The following TENM3 variants were observed in gnomAD, a reference collection of about 807,000 sequenced individuals.
TENM3 encodes the protein teneurin-3.
In TENM3, 63 loss-of-function variants were observed where a neutral mutation model predicts 255.1. The observed-to-expected ratio is 0.25, with a 90% CI of 0.20 to 0.30. The LOEUF is 0.30. TENM3 is among the 10% of genes least tolerant of loss of function. TENM3 has a pLI of 1.00. For missense variants in TENM3, 2,929 were observed against 3,461.1 expected (o/e 0.85, Z 3.86); for synonymous variants, 1,306 against 1,322.3 (o/e 0.99, Z 0.27).
the TENM3 span, among the ~76,000 whole-genome samples, chr4:181,672,022 A>G: frequency 1.4e-4 from 21 of 152,222 alleles, no homozygotes; most frequent in Admixed American, 1.3e-4. Context: ...TCCAAAATAT[A>G]TACTTTGGAT....
chr4:181,697,879 G>A, the TENM3 span, among the ~76,000 whole-genome samples: 2 of 152,154 alleles, frequency 1.3e-5, no homozygotes, highest in South Asian at 4.2e-4. Flanking sequence ...TATGGTTTTT[G>A]CTCCTAATAT....
chr4:182,361,855 C>G (rs1420157085), intron 3 of TENM3, among the ~76,000 whole-genome samples: 4 of 152,070 alleles, frequency 2.6e-5, no homozygotes, highest in Non-Finnish European at 5.9e-5. Context: ...GTTTTATCTA[C>G]TTTTGGTCTT....
chr4:182,548,036 A>G (rs576648472), intron 3 of TENM3, among the ~76,000 whole-genome samples: 1 of 152,098 alleles, frequency 6.6e-6, no homozygotes, highest in Admixed American at 6.5e-5. Context: ...TGGACAACAA[A>G]GTGAGACCCC....
intron 5 of TENM3, among the ~76,000 whole-genome samples, chr4:182,638,494 C>A (rs975969940): frequency 1.3e-5 from 2 of 152,092 alleles, no homozygotes; most frequent in African/African-American, 2.4e-5. Context: ...TGAGGCCCCC[C>A]CATTGTGCAT....
intron 3 of TENM3, among the ~76,000 whole-genome samples, chr4:182,357,649 T>C (rs1765652583): frequency 6.6e-6 from 1 of 151,098 alleles, no homozygotes; most frequent in Non-Finnish European, 1.5e-5. Context: ...TGCGAAACTT[T>C]TCTCCCATTT....
At chr4:181,764,144 G>A in the TENM3 span, among the ~76,000 whole-genome samples, 1 of 152,064 alleles carries the variant, frequency 6.6e-6, no homozygotes, top group African/African-American at 2.4e-5. Flanking sequence ...TTCAAATTAA[G>A]ATTTCATTTG....
chr4:182,755,395 G>C lies in TENM3; in HGVS notation c.4892+136G>C, dbSNP rs992171555. ...AGAGCTTCTGTAATTTTTGGATCCC[G>C]GCTGGGCACGGTGGCTCATTCCCGT... On this transcript the variant is annotated intron_variant, in intron 22 of 27. Transcript: ENST00000511685. 8.2e-6 allele frequency: 7 copies of C among 858,192 alleles called. No individual in the cohort carries two copies. The East Asian group carries it at 1.9e-4, about 23-fold the overall frequency. The allele number at this position is 858,192 out of a possible 1,614,324, so 53.2% of individuals were successfully genotyped here.
chr4:182,516,558 C>T (rs143653311), intron 3 of TENM3, among the ~76,000 whole-genome samples: 7 of 152,136 alleles, frequency 4.6e-5, no homozygotes, highest in African/African-American at 1.7e-4. Flanking sequence ...CTGTACTTTC[C>T]CATTATTTCA....
the TENM3 span, among the ~76,000 whole-genome samples, chr4:181,544,817 A>T: frequency 6.6e-6 from 1 of 152,200 alleles, no homozygotes; most frequent in Non-Finnish European, 1.5e-5. Context: ...TAAGACACAA[A>T]TTAAAATAAG....
intron 24 of TENM3, among the ~76,000 whole-genome samples, chr4:182,784,280 C>A (rs1765425477): frequency 6.6e-6 from 1 of 152,126 alleles, no homozygotes; most frequent in Admixed American, 6.5e-5. Flanking sequence ...ACAGAGAGGA[C>A]CCTCAGCTGC....
chr4:181,822,562 C>T, the TENM3 span, among the ~76,000 whole-genome samples: 2 of 152,166 alleles, frequency 1.3e-5, no homozygotes, highest in African/African-American at 4.8e-5. Flanking sequence ...ATCTATCAAA[C>T]TAGTCTATTC....
At chr4:182,464,261 G>A (rs953967980) in intron 3 of TENM3, among the ~76,000 whole-genome samples, 5 of 151,936 alleles carry the variant, frequency 3.3e-5, no homozygotes, top group Non-Finnish European at 5.9e-5. Context: ...AAATTATACA[G>A]TACTTCTTTT....
At chr4:181,651,583 G>A in the TENM3 span, among the ~76,000 whole-genome samples, 1 of 149,682 alleles carries the variant, frequency 6.7e-6, no homozygotes, top group Non-Finnish European at 1.5e-5. Flanking sequence ...AGTGAGACTT[G>A]GTCTCAAAAA....
At chr4:182,594,407 C>T (rs138569080) in intron 3 of TENM3, among the ~76,000 whole-genome samples, 1 of 152,194 alleles carries the variant, frequency 6.6e-6, no homozygotes, top group East Asian at 1.9e-4. Context: ...ACACATCTGT[C>T]CCAGGTACTC....
At position 182,168,653 on chromosome 4, in the gene TENM3, AT is replaced by A. The variant is rs1561161470; in HGVS notation, c.-76+23900del. 1.3e-5 allele frequency among the ~76,000 whole-genome samples: 2 copies of A among 152,246 alleles called. 1 individual carries two copies. Among genetic ancestry groups the A allele is most frequent in the East Asian group, 3.8e-4 (2 of 5,196 alleles). On this transcript the variant is annotated intron_variant, in intron 1 of 2. Coordinates refer to the TENM3 transcript ENST00000512480. ...TGTTGTTAATATAGTATTGAGACTT[AT>A]CCCCACCATAGTCATTTGCATAAAA...
the TENM3 span, among the ~76,000 whole-genome samples, chr4:181,861,800 G>A: frequency 4.0e-4 from 61 of 151,924 alleles, no homozygotes; most frequent in African/African-American, 8.9e-4. Flanking sequence ...TTTGACCAAC[G>A]TACCCCAGTT....
chr4:182,722,919 A>AGAGAC (rs1198534190), intron 13 of TENM3, among the ~76,000 whole-genome samples: 1 of 152,220 alleles, frequency 6.6e-6, no homozygotes, highest in Non-Finnish European at 1.5e-5. Flanking sequence ...AGAAAAAGGA[A>AGAGAC]GAGACGAGGA....
chr4:182,543,700 G>A (rs955875894), intron 3 of TENM3, among the ~76,000 whole-genome samples: 1 of 151,782 alleles, frequency 6.6e-6, no homozygotes, highest in African/African-American at 2.4e-5. Context: ...TATGTAAGTT[G>A]TTGATACATG....
intron 22 of TENM3, among the ~76,000 whole-genome samples, chr4:182,764,538 T>G (rs535576245): frequency 3.9e-5 from 6 of 152,128 alleles, no homozygotes; most frequent in Non-Finnish European, 8.8e-5. Flanking sequence ...AGGGAGGTAA[T>G]TTTTAAGATC....
Sources: gnomAD v4.1 joint callset for allele counts (sites outside exome capture counted in the v4.1 genomes callset) on GRCh38, gnomAD v4.1.1 for gene constraint, MANE v1.5 for transcripts, NCBI Gene and HGNC (gene_info 2026-07-23, HGNC 2026-07-21) for gene names.